The following PPP2R5E variants were observed in gnomAD, a reference collection of about 807,000 sequenced individuals.
PPP2R5E encodes protein phosphatase 2 regulatory subunit B'epsilon.
In PPP2R5E, 4 loss-of-function variants were observed where a neutral mutation model predicts 65.3. That is an observed-to-expected ratio of 0.06 (90% CI 0.03 to 0.14). The LOEUF is 0.14. PPP2R5E is among the 10% of genes least tolerant of loss of function. PPP2R5E has a pLI of 1.00. For synonymous variants in PPP2R5E, 183 were observed against 187.4 expected, an observed-to-expected ratio of 0.98 and a Z score of 0.19; for missense variants, 274 against 556.1, an observed-to-expected ratio of 0.49 and a Z score of 5.10.
intron 5 of PPP2R5E, among the ~76,000 whole-genome samples, chr14:63,410,940 T>A (rs970470795): frequency 5.9e-5 from 9 of 152,164 alleles, no homozygotes; most frequent in African/African-American, 2.2e-4. Context: ...AAGGCAACAA[T>A]TGGAAAAATG....
chr14:63,495,213 A>G (rs1277526039), intron 2 of PPP2R5E, among the ~76,000 whole-genome samples: 4 of 149,874 alleles, frequency 2.7e-5, no homozygotes, highest in Non-Finnish European at 3.0e-5. Context: ...AAAGACACAC[A>G]CACAAAAAAA....
chr14:63,481,605 C>A (rs910262167), intron 2 of PPP2R5E, among the ~76,000 whole-genome samples: 3 of 151,932 alleles, frequency 2.0e-5, no homozygotes, highest in Non-Finnish European at 4.4e-5. Flanking sequence ...AAGCCACAGT[C>A]CTATGCATTT....
At chr14:63,461,243 G>T (rs369858670) in intron 2 of PPP2R5E, among the ~76,000 whole-genome samples, 1 of 151,938 alleles carries the variant, frequency 6.6e-6, no homozygotes. Flanking sequence ...AGCTTGACAG[G>T]CTATACTAAA....
chr14:63,484,352 C>CACACAT (rs952594897), intron 2 of PPP2R5E, among the ~76,000 whole-genome samples: 1 of 131,946 alleles, frequency 7.6e-6, no homozygotes, highest in Non-Finnish European at 1.7e-5. Flanking sequence ...CTCTCTCACA[C>CACACAT]ACACACACAC....
intron 2 of PPP2R5E, among the ~76,000 whole-genome samples, chr14:63,493,338 C>G (rs556536327): frequency 6.6e-6 from 1 of 152,142 alleles, no homozygotes; most frequent in East Asian, 1.9e-4. Context: ...GTGAGCAGCT[C>G]TTCTGTGAAC....
intron 2 of PPP2R5E, among the ~76,000 whole-genome samples, chr14:63,494,802 T>G (rs1165594254): frequency 6.6e-6 from 1 of 151,364 alleles, no homozygotes; most frequent in Non-Finnish European, 1.5e-5. Context: ...GAGGCTGAGA[T>G]GGGAGGATGG....
chr14:63,375,960 C>T lies in PPP2R5E; in HGVS notation c.*49G>A. On this transcript the variant is annotated 3_prime_UTR_variant, in exon 14 of 14. Coordinates refer to ENST00000337537, the MANE Select transcript of PPP2R5E (RefSeq NM_006246.5). ...AAAACTGTTGCTCCATCTTCTACTA[C>T]ATAAACGTGTGACTCCACAGGTTAG... 3 of 1,319,968 alleles carry T rather than the reference C, an allele frequency of 2.3e-6. No homozygotes were observed. The highest frequency in any genetic ancestry group is 3.3e-6 in the Non-Finnish European group (3 of 922,988). 81.8% of individuals were successfully genotyped at this position (1,319,968 alleles called of 1,614,324 possible).
chr14:63,378,151 T>C (rs576073810), intron 13 of PPP2R5E, among the ~76,000 whole-genome samples: 1 of 152,340 alleles, frequency 6.6e-6, no homozygotes, highest in East Asian at 1.9e-4. Context: ...AATTTGGGTA[T>C]ATATAAATCA....
chr14:63,423,302 G>A (rs1402395347), intron 3 of PPP2R5E, among the ~76,000 whole-genome samples: 2 of 152,118 alleles, frequency 1.3e-5, no homozygotes, highest in Non-Finnish European at 2.9e-5. Context: ...TCACCATGTT[G>A]GTCAGGCTAG....
chr14:63,509,035 A>G (rs190185929), intron 2 of PPP2R5E, among the ~76,000 whole-genome samples: 33 of 152,328 alleles, frequency 2.2e-4, no homozygotes, highest in Admixed American at 7.2e-4. Flanking sequence ...ACTTTTTCAA[A>G]TCAAAGGTTT....
intron 2 of PPP2R5E, among the ~76,000 whole-genome samples, chr14:63,526,168 G>T (rs1893176766): frequency 6.6e-6 from 1 of 151,960 alleles, no homozygotes; most frequent in Non-Finnish European, 1.5e-5. Context: ...CCCTCTTCAT[G>T]TCCTTCGCTG....
rs1883774173 is a variant in PPP2R5E, at chr14:63,373,026, G to T, written c.*2983C>A. 6.6e-6 allele frequency: 1 copy of T among 152,042 alleles called. No homozygotes were observed. The highest frequency in any genetic ancestry group is 6.6e-5 in the Admixed American group (1 of 15,262). The allele number at this position is 152,042 out of a possible 1,614,324, so 9.4% of individuals were successfully genotyped here. A position where few individuals can be genotyped will look rare whatever the true frequency, so the allele number is the denominator to read the frequency against. On this transcript the variant is annotated 3_prime_UTR_variant, in exon 14 of 14. Transcript: ENST00000337537. ...TCAACACTGAAGGAAAACAACTGGG[G>T]ATACTTCACAATGAGAAACAGGAAT...
chr14:63,448,349 C>G (rs1299676930), intron 3 of PPP2R5E, among the ~76,000 whole-genome samples: 1 of 152,082 alleles, frequency 6.6e-6, no homozygotes, highest in African/African-American at 2.4e-5. Flanking sequence ...AAAGATCTCT[C>G]ATCACAGATC....
chr14:63,480,176 G>A (rs114044219), intron 2 of PPP2R5E, among the ~76,000 whole-genome samples: 148 of 152,088 alleles, frequency 9.7e-4, no homozygotes, highest in African/African-American at 3.3e-3. Flanking sequence ...TTGGGGTCTC[G>A]GCCAGGTGTG....
chr14:63,515,851 CTT>C (rs1270658455), intron 2 of PPP2R5E, among the ~76,000 whole-genome samples: 14 of 136,456 alleles, frequency 1.0e-4, no homozygotes, highest in East Asian at 2.1e-4. Flanking sequence ...TTTTATTTTA[CTT>C]TTTTTTTTTT....
chr14:63,456,305 T>C (rs940679331), intron 2 of PPP2R5E, among the ~76,000 whole-genome samples: 1 of 152,214 alleles, frequency 6.6e-6, no homozygotes, highest in Non-Finnish European at 1.5e-5. Flanking sequence ...GTCACTGCAA[T>C]AGTACTCAAG....
chr14:63,432,712 A>G lies in PPP2R5E; in HGVS notation c.355-10618T>C, dbSNP rs1385214360. Among the ~76,000 whole-genome samples the G allele has an allele frequency of 3.3e-5, 5 of 152,210 alleles. No homozygotes were observed. In the South Asian group the frequency reaches 1.0e-3, roughly 32 times the overall value. ...AAAGAAAGAAAGATTCAAGGGAAAA[A>G]GAAAGACATTTGAGCTGGCCCCCTC... On this transcript the variant is annotated intron_variant, in intron 3 of 13. Transcript: ENST00000337537.
intron 2 of PPP2R5E, among the ~76,000 whole-genome samples, chr14:63,529,022 T>C (rs78104237): frequency 2.6e-5 from 4 of 152,276 alleles, no homozygotes; most frequent in Admixed American, 2.0e-4. Context: ...CACTTTTTTT[T>C]CCAAGAGACA....
rs184536484 is a variant in PPP2R5E at position 63,506,021 on chromosome 14, G to A, written c.157+33508C>T. On this transcript the variant is annotated intron_variant, in intron 2 of 13. Coordinates refer to ENST00000337537, the MANE Select transcript of PPP2R5E (RefSeq NM_006246.5). ...ATTCATTCTTTGACAAATATTTTCT[G>A]AGCATGTAAATATTTGCATGCTTCA... Among the ~76,000 whole-genome samples the A allele has an allele frequency of 7.3e-3, 1,116 of 152,202 alleles. 7 individuals are homozygous for A. The highest frequency in any genetic ancestry group is 0.012 in the Non-Finnish European group (839 of 68,022).
Sources: allele counts gnomAD v4.1 joint callset (sites outside exome capture counted in the v4.1 genomes callset), GRCh38; gene constraint gnomAD v4.1.1; transcripts MANE v1.5; gene names NCBI Gene and HGNC (gene_info 2026-07-23, HGNC 2026-07-21).